Variants in SHISA6 observed in about 807,000 individuals in gnomAD.
SHISA6 encodes the protein protein shisa-6.
SHISA6 carries 22 observed loss-of-function variants against 47.9 expected under a neutral mutation model. The observed-to-expected ratio is 0.46, with a 90% CI of 0.33 to 0.66. The LOEUF is 0.66. Among genes scored for constraint, SHISA6 ranks in the 30% least tolerant of loss-of-function variants. The probability of loss-of-function intolerance (pLI) is 0.02; values close to 1 mark genes in which losing one functional copy is unlikely to be tolerated. For missense variants in SHISA6, 680 were observed against 764.6 expected, an observed-to-expected ratio of 0.89 and a Z score of 1.30; for synonymous variants, 388 against 337.8, an observed-to-expected ratio of 1.15 and a Z score of -1.63.
chr17:11,384,088 G>T (rs1389625700), intron 3 of SHISA6, among the ~76,000 whole-genome samples: 1 of 152,188 alleles, frequency 6.6e-6, no homozygotes, highest in African/African-American at 2.4e-5. Context: ...GGGAGAGCTC[G>T]TTACCTTCAT....
chr17:11,281,354 A>G (rs2142161074), intron 2 of SHISA6, among the ~76,000 whole-genome samples: 1 of 152,288 alleles, frequency 6.6e-6, no homozygotes, highest in South Asian at 2.1e-4. Context: ...GAGAGTTTTT[A>G]TGAGGAGTGG....
chr17:11,321,473 T>G (rs1910716310), intron 2 of SHISA6, among the ~76,000 whole-genome samples: 2 of 152,246 alleles, frequency 1.3e-5, no homozygotes, highest in Admixed American at 1.3e-4. Context: ...TATTTGCATC[T>G]TTCTACTTGT....
intron 2 of SHISA6, among the ~76,000 whole-genome samples, chr17:11,309,449 A>C (rs556696959): frequency 1.2e-4 from 18 of 152,342 alleles, no homozygotes; most frequent in Admixed American, 3.3e-4. Context: ...ATCAGTGACC[A>C]ATCTGTTGTG....
intron 3 of SHISA6, among the ~76,000 whole-genome samples, chr17:11,390,148 A>G (rs1281737689): frequency 6.6e-6 from 1 of 152,116 alleles, no homozygotes; most frequent in Non-Finnish European, 1.5e-5. Context: ...GTCTTACTCC[A>G]CTCCAAATAG....
intron 3 of SHISA6, among the ~76,000 whole-genome samples, chr17:11,449,088 G>A (rs1379549570): frequency 6.6e-6 from 1 of 152,130 alleles, no homozygotes; most frequent in Non-Finnish European, 1.5e-5. Flanking sequence ...AGTCTGAAAG[G>A]TACATGAAGC....
intron 2 of SHISA6, among the ~76,000 whole-genome samples, chr17:11,305,612 T>C (rs920428626): frequency 1.3e-5 from 2 of 152,236 alleles, no homozygotes; most frequent in Non-Finnish European, 2.9e-5. Flanking sequence ...AGTTTCTCTC[T>C]TTTGTAACAG....
intron 1 of SHISA6, among the ~76,000 whole-genome samples, chr17:11,252,216 C>T (rs1403488778): frequency 1.3e-5 from 2 of 152,176 alleles, no homozygotes; most frequent in African/African-American, 4.8e-5. Context: ...TGGCCCCATT[C>T]CCCAGTGTTT....
intron 1 of SHISA6, among the ~76,000 whole-genome samples, chr17:11,248,928 A>C (rs1030458500): frequency 1.3e-5 from 2 of 152,118 alleles, no homozygotes; most frequent in Non-Finnish European, 2.9e-5. Context: ...TCACGAGGTC[A>C]GGAGATCGAG....
chr17:11,253,112 G>A (rs1907876988), intron 1 of SHISA6, among the ~76,000 whole-genome samples: 1 of 152,118 alleles, frequency 6.6e-6, no homozygotes. Context: ...GTTTCTTCGT[G>A]TCACTTTCGG....
intron 2 of SHISA6, among the ~76,000 whole-genome samples, chr17:11,329,877 T>C (rs1015054486): frequency 3.9e-5 from 6 of 152,060 alleles, no homozygotes; most frequent in African/African-American, 1.4e-4. Flanking sequence ...ATCAAGGTGC[T>C]CCAGTGATGC....
chr17:11,430,902 G>A (rs1914753796), intron 3 of SHISA6, among the ~76,000 whole-genome samples: 1 of 152,202 alleles, frequency 6.6e-6, no homozygotes, highest in Admixed American at 6.5e-5. Context: ...CGAGGCTTTT[G>A]AAAGAGGCTT....
chr17:11,280,246 C>A (rs1432683012), intron 2 of SHISA6, among the ~76,000 whole-genome samples: 1 of 152,150 alleles, frequency 6.6e-6, no homozygotes, highest in Non-Finnish European at 1.5e-5. Flanking sequence ...GATTGAGAGT[C>A]ATTAATCTGT....
At chr17:11,271,993 C>T (rs1226031290) in intron 2 of SHISA6, among the ~76,000 whole-genome samples, 2 of 152,074 alleles carry the variant, frequency 1.3e-5, no homozygotes, top group Non-Finnish European at 2.9e-5. Flanking sequence ...CTCTTCTCTC[C>T]CCGACAGCCA....
chr17:11,385,135 G>A (rs1314434874), intron 3 of SHISA6, among the ~76,000 whole-genome samples: 1 of 152,116 alleles, frequency 6.6e-6, no homozygotes. Flanking sequence ...GAATGGAGTG[G>A]GGAGCTGCAC....
chr17:11,493,624 G>A (rs1260481191), intron 3 of SHISA6, among the ~76,000 whole-genome samples: 3 of 152,162 alleles, frequency 2.0e-5, no homozygotes, highest in African/African-American at 7.2e-5. Flanking sequence ...CAAAACCTTT[G>A]TGAGTCTCCT....
chr17:11,468,761 C>T (rs1475785130), intron 3 of SHISA6, among the ~76,000 whole-genome samples: 2 of 152,116 alleles, frequency 1.3e-5, no homozygotes, highest in Non-Finnish European at 2.9e-5. Context: ...TGGCTCACAC[C>T]TGTAATCCCA....
At chr17:11,292,253 A>G (rs184163435) in intron 2 of SHISA6, among the ~76,000 whole-genome samples, 2 of 152,168 alleles carry the variant, frequency 1.3e-5, no homozygotes, top group Non-Finnish European at 2.9e-5. Context: ...GGGCATTAAC[A>G]TATGAATTTT....
chr17:11,393,841 C>A (rs1913473531), intron 3 of SHISA6, among the ~76,000 whole-genome samples: 1 of 152,196 alleles, frequency 6.6e-6, no homozygotes, highest in Non-Finnish European at 1.5e-5. Flanking sequence ...GCACTCTAGC[C>A]AAAATTGGTT....
intron 2 of SHISA6, among the ~76,000 whole-genome samples, chr17:11,343,755 G>A (rs1352615522): frequency 6.6e-6 from 1 of 152,216 alleles, no homozygotes; most frequent in African/African-American, 2.4e-5. Flanking sequence ...CACCTATATG[G>A]AGTCATCCAG....
Sources: gnomAD v4.1 joint callset for allele counts (sites outside exome capture counted in the v4.1 genomes callset) on GRCh38, gnomAD v4.1.1 for gene constraint, MANE v1.5 for transcripts, NCBI Gene and HGNC (gene_info 2026-07-23, HGNC 2026-07-21) for gene names.